The following PPP6R2 variants were observed in gnomAD, a reference collection of about 807,000 sequenced individuals.
The protein encoded by PPP6R2 is serine/threonine-protein phosphatase 6 regulatory subunit 2.
PPP6R2 carries 62 observed loss-of-function variants against 100.2 expected under a neutral mutation model. The ratio of observed to expected loss-of-function variants is 0.62; its 90% CI spans 0.50 to 0.76. The LOEUF (loss-of-function observed/expected upper bound fraction) is 0.76. PPP6R2 is among the 30% of genes least tolerant of loss of function. PPP6R2 has a pLI of 0.00. For missense variants in PPP6R2, 1,142 were observed against 1,276.3 expected, an observed-to-expected ratio of 0.89 and a Z score of 1.60; for synonymous variants, 525 against 514.7, an observed-to-expected ratio of 1.02 and a Z score of -0.27.
intron 1 of PPP6R2, among the ~76,000 whole-genome samples, chr22:50,355,878 TTC>T (rs973312217): frequency 9.2e-5 from 14 of 151,628 alleles, no homozygotes; most frequent in African/African-American, 2.7e-4. Flanking sequence ...TTAAAAATTT[TTC>T]TCTTTTAAAA....
intron 1 of PPP6R2, among the ~76,000 whole-genome samples, chr22:50,347,289 C>T (rs28642259): frequency 0.27 from 41,167 of 151,958 alleles, 6,370 homozygotes; most frequent in South Asian, 0.36. Flanking sequence ...CTGCTTCTCT[C>T]CTGCCTGTCA....
At chr22:50,338,893 G>T (rs566778191), upstream of PPP6R2, among the ~76,000 whole-genome samples, 51 of 127,664 alleles carry the variant, frequency 4.0e-4, 1 homozygote, top group Non-Finnish European at 3.2e-5. Context: ...GTTATGTGGG[G>T]TATGTGTGGT....
chr22:50,397,000 G>A (rs2057030698), intron 3 of PPP6R2, among the ~76,000 whole-genome samples: 2 of 152,146 alleles, frequency 1.3e-5, no homozygotes, highest in South Asian at 2.1e-4. Context: ...TTGAGAGACA[G>A]GTATGGGGCA....
At position 50,406,758 on chromosome 22, in the gene PPP6R2, C is replaced by T. The variant is rs541685510; in HGVS notation, c.297C>T (p.Asp99=). 41 of 1,614,072 alleles carry T rather than the reference C, an allele frequency of 2.5e-5. No homozygotes were observed. In the South Asian group the frequency reaches 3.4e-4, roughly 13 times the overall value. ...AGATCAGCGACCGCCTCGGTGGGGA[C>T]GAGAGCCTGCTGAGCCTCCTGTACG... is the stretch of plus-strand genomic sequence containing the variant. The part of the protein sequence containing the change: ...VPQISDRLGG[D]ESLLSLLYDF... Residue 99 remains aspartate, a synonymous_variant, in exon 4 of 24, where the codon GAC becomes GAT. Transcript: ENST00000612753.
chr22:50,352,734 C>CA (rs1279904743), intron 1 of PPP6R2, among the ~76,000 whole-genome samples: 16 of 115,472 alleles, frequency 1.4e-4, no homozygotes, highest in African/African-American at 5.7e-4. Flanking sequence ...AAAACAAAAA[C>CA]AAAAACAAAA....
chr22:50,390,677 T>A (rs866940247), intron 2 of PPP6R2, among the ~76,000 whole-genome samples: 78 of 149,690 alleles, frequency 5.2e-4, no homozygotes, highest in Middle Eastern at 3.6e-3. Flanking sequence ...AGAGAAGACA[T>A]AACAATCCTA....
chr22:50,422,649 C>A (rs2061487386), intron 9 of PPP6R2, among the ~76,000 whole-genome samples: 1 of 152,204 alleles, frequency 6.6e-6, no homozygotes, highest in South Asian at 2.1e-4. Context: ...AAGTTGGGGG[C>A]ACCTAGCTAA....
chr22:50,423,635 G>C lies in PPP6R2; in HGVS notation c.1125+21G>C, dbSNP rs745385742. The C allele has an allele frequency of 2.8e-5, 45 of 1,613,584 alleles. No homozygotes were observed. The highest frequency in any genetic ancestry group is 3.8e-5 in the Non-Finnish European group (45 of 1,179,880). On this transcript the variant is annotated intron_variant, in intron 10 of 23. Coordinates refer to ENST00000612753, the MANE Select transcript of PPP6R2 (RefSeq NM_001242898.2). The surrounding 1 kb of genome is among the most constrained non-coding windows in gnomAD (Gnocchi z 4.8). ...TGCTGGTAAGTGGGCCCCTCAGCCA[G>C]CCCTGCATGTCTGTGAGTGTGCCGG... is the stretch of plus-strand genomic sequence containing the variant.
intron 4 of PPP6R2, among the ~76,000 whole-genome samples, chr22:50,410,833 C>T (rs1413732499): frequency 6.7e-6 from 1 of 148,730 alleles, no homozygotes; most frequent in African/African-American, 2.5e-5. Context: ...CCTTTTGTCT[C>T]CCAGGCTGGA....
chr22:50,337,188 C>T, the PPP6R2 span, among the ~76,000 whole-genome samples: 3,649 of 90,644 alleles, frequency 0.04, 140 homozygotes, highest in African/African-American at 0.14. Context: ...GGGGTGTGTG[C>T]GTGTGTGCTG....
At chr22:50,403,079 G>A (rs1013755659) in intron 3 of PPP6R2, among the ~76,000 whole-genome samples, 5 of 152,176 alleles carry the variant, frequency 3.3e-5, no homozygotes, top group Admixed American at 6.5e-5. Flanking sequence ...CGAGCATGGT[G>A]GTGCATGCCT....
chr22:50,367,247 G>A (rs1024584704), intron 1 of PPP6R2, among the ~76,000 whole-genome samples: 4 of 152,006 alleles, frequency 2.6e-5, no homozygotes, highest in Admixed American at 2.0e-4. Flanking sequence ...CTCCCGGGTA[G>A]GCATCAAAGC....
chr22:50,426,606 AG>A (rs1432512360), intron 10 of PPP6R2, among the ~76,000 whole-genome samples: 1 of 152,154 alleles, frequency 6.6e-6, no homozygotes, highest in Non-Finnish European at 1.5e-5. Context: ...AGGCCAAGGC[AG>A]GCAGATCACC....
At chr22:50,354,364 A>C (rs1016819659) in intron 1 of PPP6R2, among the ~76,000 whole-genome samples, 1 of 152,162 alleles carries the variant, frequency 6.6e-6, no homozygotes, top group African/African-American at 2.4e-5. Context: ...TTGGATTTCA[A>C]ATTTTCTCAG....
At chr22:50,387,447 C>CT (rs572423392) in intron 2 of PPP6R2, among the ~76,000 whole-genome samples, 652 of 152,252 alleles carry the variant, frequency 4.3e-3, no homozygotes, top group Non-Finnish European at 5.9e-3. Context: ...TTTTCCTGGT[C>CT]TTTTTTCCCC....
At chr22:50,393,640 G>A in intron 2 of PPP6R2, 1 of 950,202 alleles carries the variant, frequency 1.1e-6, no homozygotes, top group African/African-American at 1.8e-5. Context: ...TGAGCAGCTG[G>A]GAAGTCTGCT....
At chr22:50,376,768 A>C (rs1195835231) in intron 2 of PPP6R2, among the ~76,000 whole-genome samples, 1 of 152,020 alleles carries the variant, frequency 6.6e-6, no homozygotes, top group African/African-American at 2.4e-5. Context: ...GGCTGGGTGC[A>C]GTGGCTCACG....
intron 17 of PPP6R2, 25 bp downstream of exon 17, chr22:50,437,925 T>C (rs778795253): frequency 6.4e-7 from 1 of 1,560,800 alleles, no homozygotes; most frequent in East Asian, 2.4e-5. Context: ...CTGTGTGGGG[T>C]GCCGCCACCC....
At chr22:50,353,951 G>A (rs1159081555) in intron 1 of PPP6R2, among the ~76,000 whole-genome samples, 1 of 151,920 alleles carries the variant, frequency 6.6e-6, no homozygotes, top group Non-Finnish European at 1.5e-5. Context: ...AACGATAACT[G>A]ATTATGTATC....
Sources: gnomAD v4.1 joint callset for allele counts (sites outside exome capture counted in the v4.1 genomes callset) on GRCh38, gnomAD v4.1.1 for gene constraint, Gnocchi (gnomAD v3.1) non-coding constraint, MANE v1.5 for transcripts, NCBI Gene and HGNC (gene_info 2026-07-23, HGNC 2026-07-21) for gene names.